TLE4: variants seen among roughly 807,000 people sequenced by gnomAD.
TLE4 encodes the protein TLE family member 4, transcriptional corepressor.
TLE4 carries 8 observed loss-of-function variants against 92.8 expected under a neutral mutation model. The observed-to-expected ratio is 0.09, with a 90% CI of 0.05 to 0.16. TLE4 has a LOEUF of 0.16. Among genes scored for constraint, TLE4 ranks in the 10% least tolerant of loss-of-function variants. The pLI is 1.00. For synonymous variants in TLE4, 371 were observed against 374.1 expected (o/e 0.99, Z 0.10); for missense variants, 675 against 997.6 (o/e 0.68, Z 4.36).
chr9:79,644,640 G>A (rs975150015), intron 6 of TLE4, among the ~76,000 whole-genome samples: 12 of 152,328 alleles, frequency 7.9e-5, no homozygotes, highest in African/African-American at 2.4e-4. Context: ...AGACAGGAGC[G>A]AGGCCAGCAG....
intron 6 of TLE4, among the ~76,000 whole-genome samples, chr9:79,644,665 G>A (rs1245306705): frequency 1.3e-5 from 2 of 152,230 alleles, no homozygotes; most frequent in East Asian, 3.8e-4. Flanking sequence ...ACTGTCCATA[G>A]TAAATAGTGT....
At chr9:79,658,172 T>C (rs1031673246) in intron 8 of TLE4, among the ~76,000 whole-genome samples, 1 of 152,202 alleles carries the variant, frequency 6.6e-6, no homozygotes, top group Non-Finnish European at 1.5e-5. Context: ...CAGTGCCAAA[T>C]TGATCTCCTA....
At chr9:79,681,850 GTGTGTGTGTGTGTA>G (rs1309317674) in intron 8 of TLE4, among the ~76,000 whole-genome samples, 6 of 149,390 alleles carry the variant, frequency 4.0e-5, no homozygotes, top group African/African-American at 1.5e-4. Context: ...GTGTGTGTGT[GTGTGTGTGTGTGTA>G]TGTGTGTGTG....
chr9:79,663,574 C>G (rs995379017), intron 8 of TLE4: 7 of 152,254 alleles, frequency 4.6e-5, no homozygotes, highest in African/African-American at 1.7e-4. Flanking sequence ...TACTCAAAAG[C>G]AAGGTTCCCC....
At chr9:79,696,322 T>C (rs1338953581) in intron 8 of TLE4, among the ~76,000 whole-genome samples, 2 of 152,120 alleles carry the variant, frequency 1.3e-5, no homozygotes, top group Non-Finnish European at 2.9e-5. Flanking sequence ...TATATTTCTG[T>C]CTGTCAGCGC....
At chr9:79,632,500 T>C (rs1442071091) in intron 6 of TLE4, among the ~76,000 whole-genome samples, 4 of 152,176 alleles carry the variant, frequency 2.6e-5, no homozygotes, top group African/African-American at 9.7e-5. Flanking sequence ...TTTGATTTCA[T>C]AGGCCTCAAG....
intron 1 of TLE4, 70 bp downstream of exon 1, chr9:79,572,905 G>T: frequency 6.6e-7 from 1 of 1,521,286 alleles, no homozygotes; most frequent in Non-Finnish European, 8.9e-7. Context: ...CCTGCGCACC[G>T]AGTTGTGTCT....
At chr9:79,635,181 A>G (rs373216661) in intron 6 of TLE4, among the ~76,000 whole-genome samples, 96 of 152,304 alleles carry the variant, frequency 6.3e-4, no homozygotes, top group East Asian at 1.9e-3. Context: ...TAATAGGTGC[A>G]TAATAGTACT....
chr9:79,638,868 T>TA (rs1356759836), intron 6 of TLE4, among the ~76,000 whole-genome samples: 1 of 152,128 alleles, frequency 6.6e-6, no homozygotes, highest in Non-Finnish European at 1.5e-5. Context: ...TGAGCAAAGA[T>TA]AGATGTCGAG....
At position 79,720,183 on chromosome 9, in the gene TLE4, G is replaced by T; in HGVS notation, c.1728G>T (p.Ser576=). 2 of 1,614,152 alleles carry T rather than the reference G, an allele frequency of 1.2e-6. No individual in the cohort carries two copies. The highest frequency in any genetic ancestry group is 1.7e-6 in the Non-Finnish European group (2 of 1,180,026). The change falls in exon 16 of 20, where the codon TCG becomes TCT. Residue 576 remains serine, a synonymous_variant. Transcript: ENST00000376552. The stretch of plus-strand genomic sequence containing the variant: ...GCATCAAGGCAGAGCTGACATCCTC[G>T]GCCCCCGCCTGCTATGCCCTGGCCA... The part of the protein sequence containing the change: ...TPRIKAELTS[S]APACYALAIS...
rs369538833 is a variant in TLE4 at position 79,619,902 on chromosome 9, A to G, written c.315+7184A>G. 7.9e-4 allele frequency among the ~76,000 whole-genome samples: 121 copies of G among 152,302 alleles called. No homozygotes were observed. In the Middle Eastern group the frequency reaches 0.02, roughly 26 times the overall value. On this transcript the variant is annotated intron_variant, in intron 5 of 19. Coordinates refer to ENST00000376552, the MANE Select transcript of TLE4 (RefSeq NM_007005.6). The stretch of plus-strand genomic sequence containing the variant: ...ACTGAATGAGCCATCAGAGAGCGTA[A>G]TTCTGTCCCATATTCCGTGGTTGAC...
Position 79,652,648 on chromosome 9 carries a change from C to G in TLE4, c.446C>G (p.Thr149Ser), listed in dbSNP as rs1309307625. 1 of 1,614,184 alleles carries G rather than the reference C, an allele frequency of 6.2e-7. No individual in the cohort carries two copies. The highest frequency in any genetic ancestry group is 1.6e-4 in the Middle Eastern group (1 of 6,062). ...GGACATGGTCTCCCCGTACCTCTGACTCCACACCCTTCAGGGCTCCAGCCC... is the reference window on the plus strand; with the variant it reads ...GGACATGGTCTCCCCGTACCTCTGAGTCCACACCCTTCAGGGCTCCAGCCC... ...SHGHGLPVPL[T>S]PHPSGLQPPA... The change falls in exon 7 of 20, where the codon ACT (threonine) becomes AGT (serine). Residue 149 changes from threonine (T) to serine (S), a missense_variant. Thr to Ser is a moderately conservative substitution (Grantham distance 58). Coordinates refer to ENST00000376552, the MANE Select transcript of TLE4 (RefSeq NM_007005.6).
intron 7 of TLE4, 63 bp from the exon 8 acceptor site, chr9:79,653,996 A>G: frequency 1.3e-6 from 2 of 1,552,996 alleles, no homozygotes; most frequent in Admixed American, 3.3e-5. Context: ...TAAACTAACT[A>G]GTACTTTTCT....
intron 4 of TLE4, among the ~76,000 whole-genome samples, chr9:79,587,648 G>A (rs1401531604): frequency 6.6e-6 from 1 of 152,108 alleles, no homozygotes; most frequent in Non-Finnish European, 1.5e-5. Context: ...TTAGGCTATT[G>A]TGTGGACAGC....
intron 5 of TLE4, among the ~76,000 whole-genome samples, chr9:79,620,252 A>G (rs901354464): frequency 6.6e-6 from 1 of 152,232 alleles, no homozygotes; most frequent in Non-Finnish European, 1.5e-5. Context: ...AGTAGTAGCT[A>G]TGTAAAGTTG....
chr9:79,665,128 A>C lies in TLE4; in HGVS notation c.609+11053A>C, dbSNP rs547589938. 1.2e-4 allele frequency among the ~76,000 whole-genome samples: 18 copies of C among 152,336 alleles called. No homozygotes were observed. The East Asian group carries it at 3.5e-3, about 29-fold the overall frequency. On this transcript the variant is annotated intron_variant, in intron 8 of 19. Coordinates refer to ENST00000376552, the MANE Select transcript of TLE4 (RefSeq NM_007005.6). ...CTGTATATGTTTTCCTTTGATTATTAAAAAGGCACAGCTATACCTCTGTAT... is the reference window on the plus strand; with the variant it reads ...CTGTATATGTTTTCCTTTGATTATTCAAAAGGCACAGCTATACCTCTGTAT...
At chr9:79,612,123 G>A (rs561294032) in intron 4 of TLE4, among the ~76,000 whole-genome samples, 3 of 152,128 alleles carry the variant, frequency 2.0e-5, no homozygotes, top group South Asian at 2.1e-4. Context: ...GTAAGAATCC[G>A]AATTAGCCAA....
intron 8 of TLE4, among the ~76,000 whole-genome samples, chr9:79,666,163 CTGTGTG>C (rs34558090): frequency 0.011 from 1,427 of 126,430 alleles, 28 homozygotes; most frequent in African/African-American, 0.037. Context: ...TTTCCTTCAT[CTGTGTG>C]TGTGTGTGTG....
At chr9:79,629,272 AAC>A (rs899257264) in intron 6 of TLE4, among the ~76,000 whole-genome samples, 5 of 152,156 alleles carry the variant, frequency 3.3e-5, no homozygotes, top group Non-Finnish European at 7.3e-5. Flanking sequence ...CTAAATAAAA[AAC>A]ACTTTGTTTA....
Sources: gnomAD v4.1 joint callset for allele counts (sites outside exome capture counted in the v4.1 genomes callset) on GRCh38, gnomAD v4.1.1 for gene constraint, MANE v1.5 for transcripts, NCBI Gene and HGNC (gene_info 2026-07-23, HGNC 2026-07-21) for gene names.